SPIRE1: variants seen among roughly 807,000 people sequenced by gnomAD.
The protein encoded by SPIRE1 is protein spire homolog 1.
Under a neutral mutation model 94.1 loss-of-function variants are expected in SPIRE1, and 40 were observed. The observed-to-expected ratio is 0.43, with a 90% CI of 0.33 to 0.55. The LOEUF is 0.55. SPIRE1 is among the 20% of genes least tolerant of loss of function. SPIRE1 has a pLI of 0.06. For missense variants in SPIRE1, 838 were observed against 975.2 expected (o/e 0.86, Z 1.87); for synonymous variants, 376 against 371.7 (o/e 1.01, Z -0.13).
chr18:12,515,554 AACATG>A (rs1245634645), intron 4 of SPIRE1, among the ~76,000 whole-genome samples: 1 of 152,118 alleles, frequency 6.6e-6, no homozygotes, highest in African/African-American at 2.4e-5. Flanking sequence ...ACAACAGATA[AACATG>A]ACATATTTTC....
At position 12,446,860 on chromosome 18, in the gene SPIRE1, A is replaced by G. The variant is rs1162402873; in HGVS notation, c.*2778T>C. On this transcript the variant is annotated 3_prime_UTR_variant, in exon 17 of 17. Coordinates refer to ENST00000409402, the MANE Select transcript of SPIRE1 (RefSeq NM_001128626.2). The stretch of plus-strand genomic sequence containing the variant: ...TAATAACAGAATCTCTTTAAACATA[A>G]GATCATTTTAAGCCTCTTACATAAC... The G allele has an allele frequency of 6.6e-6, 1 of 152,202 alleles. No homozygotes were observed. The highest frequency in any genetic ancestry group is 2.4e-5 in the African/African-American group (1 of 41,452). 9.4% of individuals were successfully genotyped at this position (152,202 alleles called of 1,614,324 possible).
At chr18:12,523,864 T>C (rs1274237875) in intron 4 of SPIRE1, among the ~76,000 whole-genome samples, 1 of 152,164 alleles carries the variant, frequency 6.6e-6, no homozygotes, top group Admixed American at 6.5e-5. Flanking sequence ...TTTTAAAAAC[T>C]ATTTTTTGCA....
At chr18:12,598,205 TATAAG>T (rs1229635858) in intron 2 of SPIRE1, among the ~76,000 whole-genome samples, 9 of 152,216 alleles carry the variant, frequency 5.9e-5, no homozygotes, top group African/African-American at 9.7e-5. Context: ...GTAAAATTAT[TATAAG>T]ATATCTCAAA....
intron 1 of SPIRE1, among the ~76,000 whole-genome samples, chr18:12,649,901 T>C (rs550657652): frequency 2.0e-5 from 3 of 152,308 alleles, no homozygotes; most frequent in East Asian, 3.9e-4. Context: ...CCCTCTCTTA[T>C]AACCCAACAC....
intron 2 of SPIRE1, among the ~76,000 whole-genome samples, chr18:12,585,482 C>T (rs890055979): frequency 6.6e-6 from 1 of 152,158 alleles, no homozygotes; most frequent in African/African-American, 2.4e-5. Flanking sequence ...ATCTAGTACT[C>T]ACATGCTGCA....
At chr18:12,475,572 T>C (rs1211435031) in intron 10 of SPIRE1, among the ~76,000 whole-genome samples, 1 of 151,404 alleles carries the variant, frequency 6.6e-6, no homozygotes, top group Non-Finnish European at 1.5e-5. Flanking sequence ...CACTAAAAAG[T>C]AGGGAACAAA....
intron 2 of SPIRE1, among the ~76,000 whole-genome samples, chr18:12,613,959 A>G (rs763857313): frequency 2.6e-5 from 4 of 151,940 alleles, no homozygotes; most frequent in Non-Finnish European, 5.9e-5. Flanking sequence ...ATACTGGGTT[A>G]GATAAAATAT....
intron 10 of SPIRE1, among the ~76,000 whole-genome samples, chr18:12,472,678 C>T (rs528304143): frequency 2.1e-5 from 3 of 145,122 alleles, no homozygotes; most frequent in African/African-American, 2.5e-5. Context: ...CTTTTTTTTG[C>T]GGGGGGGGAC....
At chr18:12,616,864 A>G (rs1029944832) in intron 2 of SPIRE1, among the ~76,000 whole-genome samples, 2 of 152,176 alleles carry the variant, frequency 1.3e-5, no homozygotes, top group Admixed American at 1.3e-4. Flanking sequence ...TTATTTTATC[A>G]TTATTATTTT....
intron 3 of SPIRE1, among the ~76,000 whole-genome samples, chr18:12,536,716 A>G (rs1180217044): frequency 6.6e-6 from 1 of 152,198 alleles, no homozygotes. Flanking sequence ...CATGCAAAGC[A>G]ATTCAGAAAA....
intron 5 of SPIRE1, among the ~76,000 whole-genome samples, chr18:12,507,866 G>T (rs1444730915): frequency 6.6e-6 from 1 of 152,060 alleles, no homozygotes; most frequent in Non-Finnish European, 1.5e-5. Flanking sequence ...AAGTGACATG[G>T]CTGAGCGCAG....
At chr18:12,535,091 C>A (rs117473474) in intron 4 of SPIRE1, among the ~76,000 whole-genome samples, 1 of 152,182 alleles carries the variant, frequency 6.6e-6, no homozygotes, top group African/African-American at 2.4e-5. Flanking sequence ...AGTGTCACCT[C>A]TTTTCTGAGC....
intron 2 of SPIRE1, among the ~76,000 whole-genome samples, chr18:12,566,035 CAAAA>C (rs952452042): frequency 2.1e-4 from 29 of 139,586 alleles, no homozygotes; most frequent in Non-Finnish European, 2.6e-4. Flanking sequence ...AACAAACAAA[CAAAA>C]AAAAAAATTC....
intron 8 of SPIRE1, among the ~76,000 whole-genome samples, chr18:12,490,980 TAA>T (rs1170647382): frequency 6.6e-6 from 1 of 151,986 alleles, no homozygotes; most frequent in Non-Finnish European, 1.5e-5. Flanking sequence ...AAGAAAGTAA[TAA>T]AAGTGTCCCT....
intron 2 of SPIRE1, among the ~76,000 whole-genome samples, chr18:12,552,215 C>G (rs184754140): frequency 1.8e-4 from 28 of 152,312 alleles, no homozygotes; most frequent in African/African-American, 6.7e-4. Flanking sequence ...GCACTCTAAG[C>G]CACAAGGACT....
In SPIRE1 at chr18:12,535,561, T is replaced by C; in HGVS notation, c.644A>G (p.Asn215Ser). 6.2e-7 allele frequency: 1 copy of C among 1,613,434 alleles called. No homozygotes were observed. Among genetic ancestry groups the C allele is most frequent in the Non-Finnish European group, 8.5e-7 (1 of 1,179,452 alleles). ...TGCACGACATACTGCCTGATAATGATTTGGTGCATCTGATTCAGTAGGGAG... is the reference window on the plus strand; with the variant it reads ...TGCACGACATACTGCCTGATAATGACTTGGTGCATCTGATTCAGTAGGGAG... Reference protein sequence around the residue: ...AHLPTESDAPNHYQAVCRALF... With the variant: ...AHLPTESDAPSHYQAVCRALF... Residue 215 changes from asparagine to serine, a missense_variant, in exon 4 of 17, where the codon AAT becomes AGT. Asn to Ser is a conservative substitution (Grantham distance 46, BLOSUM62 1). Coordinates refer to ENST00000409402, the MANE Select transcript of SPIRE1 (RefSeq NM_001128626.2).
At chr18:12,533,242 T>C (rs17615801) in intron 4 of SPIRE1, among the ~76,000 whole-genome samples, 14,439 of 152,202 alleles carry the variant, frequency 0.095, 976 homozygotes, top group Middle Eastern at 0.19. Context: ...CTTCAACCAG[T>C]TGTGAGGGCC....
chr18:12,542,887 C>T (rs892907455), intron 3 of SPIRE1, among the ~76,000 whole-genome samples: 2 of 152,020 alleles, frequency 1.3e-5, no homozygotes, highest in African/African-American at 2.4e-5. Flanking sequence ...AGTGCAGGGG[C>T]ACAATCTTGG....
chr18:12,504,860 G>A (rs2033778254), intron 6 of SPIRE1, among the ~76,000 whole-genome samples: 1 of 152,200 alleles, frequency 6.6e-6, no homozygotes, highest in South Asian at 2.1e-4. Flanking sequence ...ATGTGGCTAT[G>A]AGGGAGAGGA....
Sources: allele counts gnomAD v4.1 joint callset (sites outside exome capture counted in the v4.1 genomes callset), GRCh38; gene constraint gnomAD v4.1.1; transcripts MANE v1.5; gene names NCBI Gene and HGNC (gene_info 2026-07-23, HGNC 2026-07-21).